The following IL5RA variants were observed in gnomAD, a reference collection of about 807,000 sequenced individuals.
IL5RA encodes the protein interleukin-5 receptor subunit alpha.
IL5RA carries 49 observed loss-of-function variants against 50.0 expected under a neutral mutation model. The ratio of observed to expected loss-of-function variants is 0.98; its 90% CI spans 0.78 to 1.24. The LOEUF is 1.24. Among genes scored for constraint, IL5RA ranks in the 50% most tolerant of loss-of-function variants. IL5RA has a pLI of 0.00. For missense variants in IL5RA, 600 were observed against 500.4 expected (o/e 1.20, Z -1.90); for synonymous variants, 202 against 174.0 (o/e 1.16, Z -1.26).
intron 9 of IL5RA, among the ~76,000 whole-genome samples, chr3:3,090,570 C>CTT (rs35917277): frequency 0.043 from 4,913 of 113,636 alleles, 277 homozygotes; most frequent in African/African-American, 0.11. Flanking sequence ...TCTTTTCTTT[C>CTT]TTTTTTTTTT....
In IL5RA at chr3:3,092,245, A is replaced by G; in HGVS notation, c.973T>C (p.Trp325Arg). The change falls in exon 9 of 12, where the codon TGG becomes CGG. Residue 325 changes from tryptophan (W) to arginine (R), a missense_variant. Coordinates refer to ENST00000446632, the MANE Select transcript of IL5RA (RefSeq NM_175726.4). This position sits in a 1 kb window ranked among gnomAD's most constrained non-coding sequence, Gnocchi z 4.2. ...TTACCCACATAAATAGGTTGGCTCCACTCACTCCAGAGCCCTGCCTCTCTG... is the reference window on the plus strand; with the variant it reads ...TTACCCACATAAATAGGTTGGCTCCGCTCACTCCAGAGCCCTGCCTCTCTG... ...MCREAGLWSE[W>R]SQPIYVGNDE... 6.2e-7 allele frequency: 1 copy of G among 1,614,004 alleles called. No individual in the cohort carries two copies. The highest frequency in any genetic ancestry group is 1.1e-5 in the South Asian group (1 of 91,052).
chr3:3,090,932 T>C (rs770994196), intron 9 of IL5RA, among the ~76,000 whole-genome samples: 6 of 152,190 alleles, frequency 3.9e-5, no homozygotes, highest in Non-Finnish European at 7.3e-5. Flanking sequence ...GGGTGTGGAA[T>C]TGACATCTGT....
chr3:3,098,084 T>G (rs1211876707), intron 6 of IL5RA, 27 bp from the exon 7 acceptor site: 1 of 1,614,046 alleles, frequency 6.2e-7, no homozygotes, highest in Admixed American at 1.7e-5. Context: ...ACGAGTGTTA[T>G]GAGGTTGCAG....
chr3:3,092,877 C>T lies in IL5RA; in HGVS notation c.856-515G>A, dbSNP rs1218497280. 6.6e-6 allele frequency among the ~76,000 whole-genome samples: 1 copy of T among 152,128 alleles called. No homozygotes were observed. The highest frequency in any genetic ancestry group is 1.5e-5 in the Non-Finnish European group (1 of 68,022). ...CCTGACACCTGTATCTTGAATACCC[C>T]CGGAGGTGTTTCTCCCTTTTTTACT... is the stretch of plus-strand genomic sequence containing the variant. On this transcript the variant is annotated intron_variant, in intron 8 of 11. Transcript: ENST00000446632. The surrounding 1 kb of genome is among the most constrained non-coding windows in gnomAD (Gnocchi z 4.2).
At chr3:3,073,817 T>C (rs980482415) in intron 11 of IL5RA, 9 of 449,870 alleles carry the variant, frequency 2.0e-5, no homozygotes, top group Middle Eastern at 3.2e-4. Flanking sequence ...TATATGAAAA[T>C]GCAGAGGACC....
chr3:3,099,358 G>A (rs1703525342), intron 5 of IL5RA, among the ~76,000 whole-genome samples: 1 of 152,122 alleles, frequency 6.6e-6, no homozygotes, highest in Non-Finnish European at 1.5e-5. Flanking sequence ...ATTAGGTGTG[G>A]TGGCATGCAC....
chr3:3,076,003 A>G (rs1208122555), intron 10 of IL5RA, among the ~76,000 whole-genome samples: 1 of 152,178 alleles, frequency 6.6e-6, no homozygotes, highest in Non-Finnish European at 1.5e-5. Flanking sequence ...TGGGTAAGGG[A>G]TACTTATGGA....
In IL5RA at chr3:3,069,976, C is replaced by T. The variant is rs572590621; in HGVS notation, c.*249G>A. 5.3e-5 allele frequency: 21 copies of T among 399,310 alleles called. No individual in the cohort carries two copies. The highest frequency in any genetic ancestry group is 9.3e-5 in the East Asian group (2 of 21,524). The allele number at this position is 399,310 out of a possible 1,614,324, so 24.7% of individuals were successfully genotyped here. The stretch of plus-strand genomic sequence containing the variant: ...GCAGGTGAGGAGGTGCTACCCTGTA[C>T]GGCATGGGGAGAAAAAACATGGCAA... On this transcript the variant is annotated 3_prime_UTR_variant, in exon 12 of 12. Transcript: ENST00000446632.
chr3:3,085,749 C>G (rs1248999021), intron 9 of IL5RA, among the ~76,000 whole-genome samples: 1 of 152,142 alleles, frequency 6.6e-6, no homozygotes, highest in East Asian at 1.9e-4. Context: ...CCCTGATACC[C>G]TACCTCAACC....
chr3:3,092,093 C>A lies in IL5RA; in HGVS notation c.994+131G>T. The stretch of plus-strand genomic sequence containing the variant: ...TATTCCTGATTGAAAAGGCAGTAGA[C>A]CGAGAGAAAATTAGTCACAATAGAG... On this transcript the variant is annotated intron_variant, in intron 9 of 11. Coordinates refer to ENST00000446632, the MANE Select transcript of IL5RA (RefSeq NM_175726.4). The surrounding 1 kb of genome is among the most constrained non-coding windows in gnomAD (Gnocchi z 4.2). 1.4e-6 allele frequency: 2 copies of A among 1,445,504 alleles called. No homozygotes were observed. The highest frequency in any genetic ancestry group is 2.8e-5 in the Admixed American group (1 of 35,254). The allele number at this position is 1,445,504 out of a possible 1,614,324, so 89.5% of individuals were successfully genotyped here.
intron 9 of IL5RA, among the ~76,000 whole-genome samples, chr3:3,090,433 A>G (rs1703038535): frequency 6.6e-6 from 1 of 152,154 alleles, no homozygotes; most frequent in Non-Finnish European, 1.5e-5. Flanking sequence ...TGAATGGTTT[A>G]TCATACACAT....
intron 2 of IL5RA, among the ~76,000 whole-genome samples, chr3:3,107,480 A>G (rs1451673755): frequency 2.0e-5 from 3 of 152,152 alleles, no homozygotes; most frequent in Non-Finnish European, 2.9e-5. Context: ...ATTTCACTAT[A>G]AAAGAATAGA....
chr3:3,094,119 TA>T (rs1486076973), intron 8 of IL5RA, among the ~76,000 whole-genome samples: 2 of 152,236 alleles, frequency 1.3e-5, no homozygotes, highest in African/African-American at 2.4e-5. Flanking sequence ...TTTTTAATTG[TA>T]AAATACATAT....
rs2125946213 is a variant in IL5RA at position 3,070,259 on chromosome 3, G to A, written c.1229C>T (p.Pro410Leu). The A allele has an allele frequency of 6.2e-7, 1 of 1,613,424 alleles. No homozygotes were observed. Among genetic ancestry groups the A allele is most frequent in the Non-Finnish European group, 8.5e-7 (1 of 1,179,520 alleles). ...AGAATCCTCCAGGGTCTCAACTCCAGGCTTCTCTATATAACAGATGACTTC... is the reference window on the plus strand; with the variant it reads ...AGAATCCTCCAGGGTCTCAACTCCAAGCTTCTCTATATAACAGATGACTTC... ...EIEVICYIEK[P>L]GVETLEDSVF The change falls in exon 12 of 12, where the codon CCT (proline) becomes CTT (leucine). Residue 410 changes from proline to leucine, a missense_variant. By Grantham distance (98) the Pro-to-Leu change is moderately conservative (BLOSUM62 -3). Transcript: ENST00000446632.
At chr3:3,097,750 G>C (rs1703429730) in intron 7 of IL5RA, 120 bp downstream of exon 7, 1 of 1,081,044 alleles carries the variant, frequency 9.3e-7, no homozygotes, top group African/African-American at 1.6e-5. Context: ...TTTCAAACAT[G>C]GGTCTGATGC....
chr3:3,107,008 G>A (rs1703954331), intron 2 of IL5RA, among the ~76,000 whole-genome samples: 1 of 152,070 alleles, frequency 6.6e-6, no homozygotes, highest in Non-Finnish European at 1.5e-5. Context: ...TATTTTATAT[G>A]AGCAAGCACT....
At chr3:3,089,595 G>T (rs531794026) in intron 9 of IL5RA, among the ~76,000 whole-genome samples, 13 of 151,986 alleles carry the variant, frequency 8.6e-5, no homozygotes, top group Non-Finnish European at 1.5e-4. Context: ...ATGAGAGATG[G>T]CATCCACATG....
chr3:3,076,694 T>A, intron 9 of IL5RA, 67 bp from the exon 10 acceptor site: 3 of 1,017,964 alleles, frequency 2.9e-6, no homozygotes, highest in Non-Finnish European at 4.5e-6. Flanking sequence ...GTAAAAGAAA[T>A]GATGAGGCTT....
chr3:3,084,458 A>G (rs527487488), intron 9 of IL5RA, among the ~76,000 whole-genome samples: 33 of 152,358 alleles, frequency 2.2e-4, no homozygotes, highest in African/African-American at 6.3e-4. Flanking sequence ...AGGGTTCAAA[A>G]TGTTCATTAA....
Sources: gnomAD v4.1 joint callset for allele counts (sites outside exome capture counted in the v4.1 genomes callset) on GRCh38, gnomAD v4.1.1 for gene constraint, Gnocchi (gnomAD v3.1) non-coding constraint, MANE v1.5 for transcripts, NCBI Gene and HGNC (gene_info 2026-07-23, HGNC 2026-07-21) for gene names.